The following NRG3 variants were observed in gnomAD, a reference collection of about 807,000 sequenced individuals.
The protein encoded by NRG3 is pro-neuregulin-3, membrane-bound isoform.
NRG3 carries 31 observed loss-of-function variants against 66.9 expected under a neutral mutation model. That is an observed-to-expected ratio of 0.46 (90% CI 0.35 to 0.63). NRG3 has a LOEUF of 0.63. Ranked by LOEUF, NRG3 falls within the 20% of genes least tolerant of loss-of-function variation. NRG3 has a pLI of 0.00. For missense variants in NRG3, 910 were observed against 878.9 expected (o/e 1.04, Z -0.45); for synonymous variants, 393 against 359.4 (o/e 1.09, Z -1.06).
At chr10:82,867,707 A>C (rs1296487182) in intron 4 of NRG3, among the ~76,000 whole-genome samples, 2 of 152,244 alleles carry the variant, frequency 1.3e-5, no homozygotes, top group African/African-American at 4.8e-5. Flanking sequence ...GAGAATGCAG[A>C]AGGTGTGTTG....
chr10:82,891,518 C>T (rs1843145175), intron 4 of NRG3, among the ~76,000 whole-genome samples: 1 of 151,592 alleles, frequency 6.6e-6, no homozygotes, highest in Admixed American at 6.6e-5. Context: ...TTAGATTTAC[C>T]CTTTGACATT....
At chr10:82,694,571 T>A (rs1206371140) in intron 2 of NRG3, among the ~76,000 whole-genome samples, 1 of 151,936 alleles carries the variant, frequency 6.6e-6, no homozygotes, top group African/African-American at 2.4e-5. Context: ...ACTGGGAGTA[T>A]AGTGAAACCC....
At chr10:82,856,674 G>C (rs1470519024) in intron 3 of NRG3, among the ~76,000 whole-genome samples, 1 of 144,008 alleles carries the variant, frequency 6.9e-6, no homozygotes, top group Non-Finnish European at 1.5e-5. Flanking sequence ...AACCTGGGAG[G>C]CAGAGGCTGC....
intron 2 of NRG3, among the ~76,000 whole-genome samples, chr10:82,383,941 G>A (rs1442950788): frequency 6.6e-6 from 1 of 151,650 alleles, no homozygotes; most frequent in Non-Finnish European, 1.5e-5. Context: ...TTTATCAAGT[G>A]GATGTGTTTA....
intron 1 of NRG3, among the ~76,000 whole-genome samples, chr10:82,206,997 T>A (rs1019579288): frequency 6.6e-6 from 1 of 152,190 alleles, no homozygotes; most frequent in African/African-American, 2.4e-5. Flanking sequence ...ACTCATACTT[T>A]CTGTTCTTGG....
At chr10:82,264,364 A>G (rs1278606445) in intron 1 of NRG3, among the ~76,000 whole-genome samples, 1 of 152,000 alleles carries the variant, frequency 6.6e-6, no homozygotes, top group Non-Finnish European at 1.5e-5. Flanking sequence ...AGGTCTCAGA[A>G]CTCACTAGTG....
intron 1 of NRG3, among the ~76,000 whole-genome samples, chr10:82,223,880 A>G (rs964472537): frequency 2.1e-4 from 32 of 152,216 alleles, no homozygotes; most frequent in African/African-American, 7.2e-4. Context: ...CCTTAGGGCT[A>G]TAGGCACAGC....
intron 1 of NRG3, among the ~76,000 whole-genome samples, chr10:82,264,059 G>A (rs2078170473): frequency 6.6e-6 from 1 of 152,086 alleles, no homozygotes; most frequent in African/African-American, 2.4e-5. Flanking sequence ...GATGCTTACT[G>A]GGCAACGAAG....
chr10:82,126,999 T>C (rs2068489617), intron 1 of NRG3, among the ~76,000 whole-genome samples: 1 of 152,106 alleles, frequency 6.6e-6, no homozygotes, highest in Admixed American at 6.6e-5. Flanking sequence ...GATATGGCAT[T>C]CTCATGACTA....
intron 1 of NRG3, among the ~76,000 whole-genome samples, chr10:82,004,047 G>A (rs2061286316): frequency 6.7e-6 from 1 of 149,054 alleles, no homozygotes; most frequent in Admixed American, 6.7e-5. Context: ...ATACCTTAGA[G>A]CAGCATTTAT....
chr10:82,420,710 A>G (rs1174851362), intron 2 of NRG3, among the ~76,000 whole-genome samples: 3 of 152,144 alleles, frequency 2.0e-5, no homozygotes, highest in Non-Finnish European at 4.4e-5. Context: ...GTTCATGTAT[A>G]AACCTGCTTA....
intron 4 of NRG3, among the ~76,000 whole-genome samples, chr10:82,871,185 T>C (rs1841307280): frequency 6.6e-6 from 1 of 152,176 alleles, no homozygotes; most frequent in South Asian, 2.1e-4. Context: ...GTTTATCTTT[T>C]CTCCATTGTA....
chr10:82,846,557 A>T (rs572377794), intron 3 of NRG3, among the ~76,000 whole-genome samples: 1 of 152,342 alleles, frequency 6.6e-6, no homozygotes, highest in East Asian at 1.9e-4. Context: ...TTTATGAAGG[A>T]CTGCCAAAAA....
intron 1 of NRG3, among the ~76,000 whole-genome samples, chr10:82,216,232 C>T (rs562279328): frequency 1.3e-5 from 2 of 151,804 alleles, no homozygotes; most frequent in African/African-American, 2.4e-5. Flanking sequence ...CCACCTGCCT[C>T]GGCCTCCCAA....
intron 1 of NRG3, among the ~76,000 whole-genome samples, chr10:81,936,201 G>A (rs1330929705): frequency 6.6e-6 from 1 of 152,148 alleles, no homozygotes; most frequent in Non-Finnish European, 1.5e-5. Context: ...GTTAATATAT[G>A]TCAAAAGATT....
intron 2 of NRG3, among the ~76,000 whole-genome samples, chr10:82,683,764 TG>T (rs2054292624): frequency 6.6e-6 from 1 of 152,248 alleles, no homozygotes; most frequent in Admixed American, 6.5e-5. Flanking sequence ...TGTATTTTTG[TG>T]GTGAAATGGT....
chr10:82,000,038 T>G (rs12249720), intron 1 of NRG3, among the ~76,000 whole-genome samples: 3 of 152,144 alleles, frequency 2.0e-5, no homozygotes, highest in Non-Finnish European at 4.4e-5. Context: ...TCCAAACATA[T>G]CAGTTTGAAA....
chr10:82,308,565 ATTGT>A (rs1421962947), intron 1 of NRG3, among the ~76,000 whole-genome samples: 3 of 152,152 alleles, frequency 2.0e-5, no homozygotes, highest in Non-Finnish European at 4.4e-5. Context: ...GTATATTAAC[ATTGT>A]TTGTGCTGCA....
chr10:82,176,825 A>C (rs181278342), intron 1 of NRG3, among the ~76,000 whole-genome samples: 1 of 151,862 alleles, frequency 6.6e-6, no homozygotes, highest in East Asian at 2.0e-4. Flanking sequence ...CAAATGACAT[A>C]GTAGCCCAGG....
Sources: allele counts gnomAD v4.1 joint callset (sites outside exome capture counted in the v4.1 genomes callset), GRCh38; gene constraint gnomAD v4.1.1; transcripts MANE v1.5; gene names NCBI Gene and HGNC (gene_info 2026-07-23, HGNC 2026-07-21).